CACNA1S: variants seen among roughly 807,000 people sequenced by gnomAD.
CACNA1S encodes voltage-dependent L-type calcium channel subunit alpha-1S.
Under a neutral mutation model 207.4 loss-of-function variants are expected in CACNA1S, and 126 were observed. The observed-to-expected ratio is 0.61, with a 90% confidence interval of 0.53 to 0.70. The LOEUF (loss-of-function observed/expected upper bound fraction) is 0.70. CACNA1S is among the 30% of genes least tolerant of loss of function. The pLI is 0.00. For synonymous variants in CACNA1S, 960 were observed against 932.7 expected, an observed-to-expected ratio of 1.03 and a Z score of -0.53; for missense variants, 2,349 against 2,422.8, an observed-to-expected ratio of 0.97 and a Z score of 0.64.
intron 40 of CACNA1S, chr1:201,042,805 C>G (rs76027489): frequency 5.6e-6 from 1 of 179,320 alleles, no homozygotes; most frequent in Non-Finnish European, 1.2e-5. Flanking sequence ...AGTTCTCCCC[C>G]TCATCCTGCT....
Position 201,053,698 on chromosome 1 carries a change from G to A in CACNA1S, c.3667-111C>T, listed in dbSNP as rs1399096028. On this transcript the variant is annotated intron_variant, in intron 29 of 43. Transcript: ENST00000362061. The surrounding 1 kb of genome is among the most constrained non-coding windows in gnomAD (Gnocchi z 5.1). ...GTTTTGGGGAGATGTTTGTGGCATG[G>A]AGGAACTCCAGCCCCGCCTCTGGCC... 6.1e-6 allele frequency: 7 copies of A among 1,145,158 alleles called. No homozygotes were observed. The allele number at this position is 1,145,158 out of a possible 1,614,324, so 70.9% of individuals were successfully genotyped here.
chr1:201,068,294 G>A (rs1175078038), intron 19 of CACNA1S, among the ~76,000 whole-genome samples: 2 of 127,562 alleles, frequency 1.6e-5, no homozygotes, highest in Middle Eastern at 4.5e-3. Flanking sequence ...CCAGGCTGGA[G>A]TGCAGTGGCA....
intron 10 of CACNA1S, among the ~76,000 whole-genome samples, chr1:201,079,287 G>T (rs2102146359): frequency 6.6e-6 from 1 of 151,758 alleles, no homozygotes; most frequent in South Asian, 2.1e-4. Context: ...TCCCTACCTG[G>T]ATGCACCCTC....
intron 19 of CACNA1S, among the ~76,000 whole-genome samples, chr1:201,067,833 C>G (rs1329715841): frequency 6.6e-6 from 1 of 152,218 alleles, no homozygotes; most frequent in African/African-American, 2.4e-5. Context: ...TCCCTCTACT[C>G]AATTCCTTCA....
chr1:201,080,535 A>G (rs1293475959), intron 10 of CACNA1S, among the ~76,000 whole-genome samples: 2 of 152,160 alleles, frequency 1.3e-5, no homozygotes, highest in African/African-American at 2.4e-5. Flanking sequence ...ATTTAAAACT[A>G]GCTTTGTTTC....
At position 201,078,294 on chromosome 1, in the gene CACNA1S, A is replaced by T. The variant is rs140560317; in HGVS notation, c.1394-190T>A. ...TGGAGTGAAGTGGCACAATTATGGC[A>T]CACTGCAGCCTCGACTTCCCAGGAT... On this transcript the variant is annotated intron_variant, in intron 10 of 43. Transcript: ENST00000362061. Among the ~76,000 whole-genome samples, 1,381 of 152,158 alleles carry T rather than the reference A, an allele frequency of 9.1e-3. 21 individuals carry two copies. The highest frequency in any genetic ancestry group is 0.032 in the African/African-American group (1,318 of 41,494).
chr1:201,040,154 C>T, intron 43 of CACNA1S, 72 bp from the exon 44 acceptor site: 1 of 1,611,868 alleles, frequency 6.2e-7, no homozygotes, highest in Middle Eastern at 1.9e-4. Context: ...TCTGTTGGCC[C>T]TACCCTCTCT....
chr1:201,088,367 G>C (rs1662107293), intron 6 of CACNA1S, among the ~76,000 whole-genome samples: 1 of 152,204 alleles, frequency 6.6e-6, no homozygotes, highest in East Asian at 1.9e-4. Context: ...GACATGGGCT[G>C]TCTCTCCTCA....
chr1:201,051,199 G>A, intron 32 of CACNA1S, 56 bp from the exon 33 acceptor site: 1 of 1,598,312 alleles, frequency 6.3e-7, no homozygotes, highest in Non-Finnish European at 8.6e-7. Flanking sequence ...CCCCTCAGAA[G>A]GCTGGCAGTC....
chr1:201,097,535 C>T (rs142173496), intron 2 of CACNA1S, among the ~76,000 whole-genome samples: 34 of 152,316 alleles, frequency 2.2e-4, no homozygotes, highest in African/African-American at 7.9e-4. Context: ...TCTGACCCCC[C>T]ACAGGGAGCA....
rs565513682 is a variant in CACNA1S at position 201,078,210 on chromosome 1, C to G, written c.1394-106G>C. 7 of 886,882 alleles carry G rather than the reference C, an allele frequency of 7.9e-6. No individual in the cohort carries two copies. The South Asian group carries it at 9.4e-5, about 12-fold the overall frequency. The allele number at this position is 886,882 out of a possible 1,614,324, so 54.9% of individuals were successfully genotyped here. A position where few individuals can be genotyped will look rare whatever the true frequency, so the allele number is the denominator to read the frequency against. On this transcript the variant is annotated intron_variant, in intron 10 of 43. Coordinates refer to ENST00000362061, the MANE Select transcript of CACNA1S (RefSeq NM_000069.3). ...ACCCAGGACGCCCCTTCCCTTGTTT[C>G]CAAGGCACCATGGATGTTTTTTGGG...
At chr1:201,048,906 C>T in intron 35 of CACNA1S, 97 bp downstream of exon 35, 1 of 1,040,062 alleles carries the variant, frequency 9.6e-7, no homozygotes, top group Non-Finnish European at 1.5e-6. Flanking sequence ...GATCCCGGCT[C>T]TACAATGCTT....
chr1:201,043,542 G>T lies in CACNA1S; in HGVS notation c.4798-11C>A. 3.1e-6 allele frequency: 5 copies of T among 1,613,960 alleles called. No homozygotes were observed. The highest frequency in any genetic ancestry group is 4.2e-6 in the Non-Finnish European group (5 of 1,179,982). On this transcript the variant is annotated splice_polypyrimidine_tract_variant and intron_variant, in intron 39 of 43. Coordinates refer to ENST00000362061, the MANE Select transcript of CACNA1S (RefSeq NM_000069.3). ...CAGGCCTCCAGTCCTCTAGGGGCAA[G>T]GAGAAGAGCAGTGACTGGGGGTGAG...
At chr1:201,101,791 T>A (rs1386156005) in intron 2 of CACNA1S, among the ~76,000 whole-genome samples, 4 of 152,170 alleles carry the variant, frequency 2.6e-5, no homozygotes, top group East Asian at 1.9e-4. Flanking sequence ...CCAGCCCCGA[T>A]GGCCCTTGCC....
chr1:201,070,187 G>T, intron 17 of CACNA1S, 85 bp downstream of exon 17: 4 of 1,430,516 alleles, frequency 2.8e-6, no homozygotes, highest in Non-Finnish European at 3.9e-6. Flanking sequence ...CTGTAGGCAT[G>T]GAGAGTCAGA....
chr1:201,066,456 C>A lies in CACNA1S; in HGVS notation c.2658-140G>T. The A allele has an allele frequency of 1.3e-6, 1 of 746,918 alleles. No individual in the cohort carries two copies. Among genetic ancestry groups the A allele is most frequent in the East Asian group, 2.6e-5 (1 of 38,202 alleles). The allele number at this position is 746,918 out of a possible 1,614,324, so 46.3% of individuals were successfully genotyped here. On this transcript the variant is annotated intron_variant, in intron 20 of 43. Transcript: ENST00000362061. This position sits in a 1 kb window ranked among gnomAD's most constrained non-coding sequence, Gnocchi z 4.3. Reference sequence around the variant, plus strand: ...ACACTCCCACCTTCCCCTTCCCTTTCCTCCAGCCGTGAGAGTGTGCCCGAC... The same window carrying A: ...ACACTCCCACCTTCCCCTTCCCTTTACTCCAGCCGTGAGAGTGTGCCCGAC...
At chr1:201,060,963 C>G (rs1661025858) in intron 25 of CACNA1S, 147 bp from the exon 26 acceptor site, 2 of 1,035,708 alleles carry the variant, frequency 1.9e-6, no homozygotes, top group East Asian at 4.8e-5. Flanking sequence ...GGGAATAATC[C>G]TGTTGGGCTT....
chr1:201,103,114 C>T (rs548458898), intron 2 of CACNA1S, among the ~76,000 whole-genome samples: 4 of 152,044 alleles, frequency 2.6e-5, no homozygotes, highest in Middle Eastern at 3.4e-3. Context: ...GGTGTGGTGA[C>T]GTGTGCCTGT....
In CACNA1S at chr1:201,039,522, C is replaced by T; in HGVS notation, c.*309G>A. On this transcript the variant is annotated 3_prime_UTR_variant, in exon 44 of 44. Coordinates refer to ENST00000362061, the MANE Select transcript of CACNA1S (RefSeq NM_000069.3). ...ACAAGCAGAGGCCAGTTGCCAGTGTCACAGGCCTGGAGATTTTAATGTCCT... is the reference window on the plus strand; with the variant it reads ...ACAAGCAGAGGCCAGTTGCCAGTGTTACAGGCCTGGAGATTTTAATGTCCT... The T allele has an allele frequency of 2.1e-6, 1 of 479,738 alleles. No individual in the cohort carries two copies. Among genetic ancestry groups the T allele is most frequent in the Non-Finnish European group, 3.8e-6 (1 of 263,612 alleles). 29.7% of individuals were successfully genotyped at this position (479,738 alleles called of 1,614,324 possible). A position where few individuals can be genotyped will look rare whatever the true frequency, so the allele number is the denominator to read the frequency against.
Sources: allele counts gnomAD v4.1 joint callset (sites outside exome capture counted in the v4.1 genomes callset), GRCh38; gene constraint gnomAD v4.1.1; non-coding constraint Gnocchi (gnomAD v3.1); transcripts MANE v1.5; gene names NCBI Gene and HGNC (gene_info 2026-07-23, HGNC 2026-07-21).